Variants in DEAF1 observed in about 807,000 individuals in gnomAD.
DEAF1 encodes the protein DEAF1 transcription factor.
DEAF1 carries 53 observed loss-of-function variants against 58.9 expected under a neutral mutation model. The observed-to-expected ratio is 0.90, with a 90% CI of 0.72 to 1.13. The LOEUF is 1.13. Ranked by LOEUF, DEAF1 falls within the 50% of genes most tolerant of loss-of-function variation. The pLI is 0.00. For missense variants in DEAF1, 685 were observed against 791.4 expected (o/e 0.87, Z 1.61); for synonymous variants, 385 against 340.4 (o/e 1.13, Z -1.44).
chr11:694,835 C>A lies in DEAF1; in HGVS notation c.213G>T (p.Ala71=). 6.8e-7 allele frequency: 1 copy of A among 1,467,272 alleles called. No homozygotes were observed. The highest frequency in any genetic ancestry group is 2.2e-5 in the Admixed American group (1 of 45,070). The allele number at this position is 1,467,272 out of a possible 1,614,324, so 90.9% of individuals were successfully genotyped here. ...PRVTAVAVMA[A]EPGHMDMGAE... is the part of the protein sequence containing the mutation. ...CGCCCATGTCCATGTGCCCGGGCTC[C>A]GCCGCCATCACCGCCACTGCCGTGA... is the stretch of plus-strand genomic sequence containing the variant. The change falls in exon 1 of 12, where the codon GCG becomes GCT. Residue 71 remains alanine (A), a synonymous_variant. Transcript: ENST00000382409.
rs147630756 is a variant in DEAF1, at chr11:653,967, G to A, written c.1588C>T (p.Arg530Cys). 1.4e-5 allele frequency: 22 copies of A among 1,613,900 alleles called. No homozygotes were observed. The highest frequency in any genetic ancestry group is 6.7e-5 in the Admixed American group (4 of 60,008). ...KVNYCSTFCQ[R>C]KDWKDHQHIC... is the part of the protein sequence containing the mutation. The stretch of plus-strand genomic sequence containing the variant: ...CTGGTGTAGGTGAGACCTACCTTGC[G>A]TTGGCAGAAGGTGGAGCAGTAGTTG... Residue 530 changes from arginine (R) to cysteine (C), a missense_variant, in exon 11 of 12, where the codon CGC becomes TGC. Around this residue, in one of 3 missense-constraint regions of DEAF1, gnomAD observed 343 missense variants for 379.8 expected, o/e 0.90. Coordinates refer to ENST00000382409, the MANE Select transcript of DEAF1 (RefSeq NM_021008.4).
chr11:677,257 T>C (rs963436646), intron 9 of DEAF1, among the ~76,000 whole-genome samples: 2 of 151,804 alleles, frequency 1.3e-5, no homozygotes, highest in Non-Finnish European at 1.5e-5. Flanking sequence ...TCCAAGCACT[T>C]TGGGAGGCCA....
intron 10 of DEAF1, among the ~76,000 whole-genome samples, chr11:657,136 G>C (rs537760223): frequency 2.2e-3 from 328 of 151,982 alleles, no homozygotes; most frequent in Non-Finnish European, 3.7e-3. Context: ...TGGCACCCAG[G>C]CCTCACTCTC....
intron 9 of DEAF1, 143 bp downstream of exon 9, chr11:678,551 C>T: frequency 8.3e-7 from 1 of 1,204,420 alleles, no homozygotes; most frequent in Non-Finnish European, 1.2e-6. Context: ...GGCAGTGGGC[C>T]ACACTTTACC....
At chr11:695,551 G>A (rs1861089343), upstream of DEAF1, 6 of 1,209,798 alleles carry the variant, frequency 5.0e-6, no homozygotes, top group East Asian at 1.9e-4. Flanking sequence ...CCCGCCGCCG[G>A]CGGAAGCCGA....
rs36167071 is a variant in DEAF1 at position 669,125 on chromosome 11, C to CT, written c.1503+5410dup. 7.7e-4 allele frequency among the ~76,000 whole-genome samples: 83 copies of CT among 107,812 alleles called. 1 individual carries two copies. Among genetic ancestry groups the CT allele is most frequent in the East Asian group, 3.0e-3 (11 of 3,718 alleles). The allele number at this position is 107,812 out of a possible 152,430, so 70.7% of individuals were successfully genotyped here. On this transcript the variant is annotated intron_variant, in intron 10 of 11. Coordinates refer to ENST00000382409, the MANE Select transcript of DEAF1 (RefSeq NM_021008.4). ...CAGGCGTAAGCCACTGCACCCGACC[C>CT]TTTTTTTTTTTTTTTTTTTTGTACA...
chr11:685,105 G>C, intron 5 of DEAF1, 142 bp from the exon 6 acceptor site: 2 of 500,926 alleles, frequency 4.0e-6, no homozygotes, highest in South Asian at 4.1e-5. Context: ...TTTTTTTTGA[G>C]ACAGAGTCTT....
upstream of DEAF1, among the ~76,000 whole-genome samples, chr11:697,300 G>C (rs1353630938): frequency 6.6e-6 from 1 of 152,170 alleles, no homozygotes; most frequent in Non-Finnish European, 1.5e-5. Flanking sequence ...AACACATCTT[G>C]TCCATTACAT....
At chr11:698,094 C>G (rs1861281121), upstream of DEAF1, 1 of 152,086 alleles carries the variant, frequency 6.6e-6, no homozygotes, top group Non-Finnish European at 1.5e-5. Flanking sequence ...GAGGTTTCCA[C>G]CCAATTCTAG....
chr11:666,129 A>G (rs1039520237), intron 10 of DEAF1: 3 of 152,364 alleles, frequency 2.0e-5, no homozygotes, highest in South Asian at 2.1e-4. Flanking sequence ...AGAAAACCAC[A>G]GCTTCGCAGA....
In DEAF1 at chr11:703,518, C is replaced by G. The variant is rs764038183; in HGVS notation, c.-438+3054G>C. 1.6e-4 allele frequency: 196 copies of G among 1,238,024 alleles called. 1 individual carries two copies. The highest frequency in any genetic ancestry group is 1.8e-4 in the Non-Finnish European group (181 of 992,082). The allele number at this position is 1,238,024 out of a possible 1,614,324, so 76.7% of individuals were successfully genotyped here. A position where few individuals can be genotyped will look rare whatever the true frequency, so the allele number is the denominator to read the frequency against. On this transcript the variant is annotated intron_variant, in intron 1 of 11. Coordinates refer to the DEAF1 transcript ENST00000683307. ...AGGACAGAGCCCTTCAGAACAGAGGCCTCATCTCACTGCATCCCCCATCAC... is the reference window on the plus strand; with the variant it reads ...AGGACAGAGCCCTTCAGAACAGAGGGCTCATCTCACTGCATCCCCCATCAC...
upstream of DEAF1, chr11:699,078 C>A: frequency 1.5e-6 from 1 of 687,826 alleles, no homozygotes; most frequent in Non-Finnish European, 2.5e-6. Context: ...GGCTCCATCC[C>A]CTACCTGCTC....
At chr11:669,573 T>C (rs540467429) in intron 10 of DEAF1, among the ~76,000 whole-genome samples, 204 of 145,566 alleles carry the variant, frequency 1.4e-3, no homozygotes, top group South Asian at 6.9e-3. Flanking sequence ...GAGGTGGAGG[T>C]TATGGCGAGC....
chr11:660,659 C>T (rs1242489080), intron 10 of DEAF1, among the ~76,000 whole-genome samples: 2 of 152,236 alleles, frequency 1.3e-5, no homozygotes, highest in South Asian at 2.1e-4. Flanking sequence ...CACTGGGCCA[C>T]GGCAGGACGT....
chr11:665,473 C>T lies in DEAF1; in HGVS notation c.1503+9063G>A, dbSNP rs796807150. On this transcript the variant is annotated intron_variant, in intron 10 of 11. Coordinates refer to ENST00000382409, the MANE Select transcript of DEAF1 (RefSeq NM_021008.4). The stretch of plus-strand genomic sequence containing the variant: ...CTAACTCCTGACATTTTCAGATGCA[C>T]GGGATGTTCACTGCAACAGCTGCTT... Among the ~76,000 whole-genome samples, 13 of 152,290 alleles carry T rather than the reference C, an allele frequency of 8.5e-5. 1 individual carries two copies. The South Asian group carries it at 1.5e-3, about 17-fold the overall frequency.
chr11:656,864 AC>A (rs1859082001), intron 10 of DEAF1, among the ~76,000 whole-genome samples: 1 of 150,548 alleles, frequency 6.6e-6, no homozygotes, highest in African/African-American at 2.4e-5. Context: ...CCTTTGCAAA[AC>A]TTTTTTTTTT....
chr11:644,804 C>T lies in DEAF1; in HGVS notation c.1594-150G>A. On this transcript the variant is annotated intron_variant, in intron 11 of 11. Transcript: ENST00000382409. This position sits in a 1 kb window ranked among gnomAD's most constrained non-coding sequence, Gnocchi z 4.3. Reference sequence around the variant, plus strand: ...CCTCCCCAGCCCCCGTGCGCCCAAACTCTGGTGGGCTCTGCTCCAATACAG... The same window carrying T: ...CCTCCCCAGCCCCCGTGCGCCCAAATTCTGGTGGGCTCTGCTCCAATACAG... 1 of 690,486 alleles carries T rather than the reference C, an allele frequency of 1.4e-6. No individual in the cohort carries two copies. Among genetic ancestry groups the T allele is most frequent in the Non-Finnish European group, 2.6e-6 (1 of 380,060 alleles). 42.8% of individuals were successfully genotyped at this position (690,486 alleles called of 1,614,324 possible).
intron 8 of DEAF1, among the ~76,000 whole-genome samples, chr11:679,246 C>T (rs1321901456): frequency 4.0e-5 from 6 of 150,520 alleles, no homozygotes; most frequent in African/African-American, 1.2e-4. Flanking sequence ...ACCCGGGAGG[C>T]GGAGCTTGCA....
chr11:673,732 C>T (rs1485405015), intron 10 of DEAF1, among the ~76,000 whole-genome samples: 1 of 152,108 alleles, frequency 6.6e-6, no homozygotes. Context: ...AGACAGGCGC[C>T]CTCCTCTCTC....
Sources: gnomAD v4.1 joint callset for allele counts (sites outside exome capture counted in the v4.1 genomes callset) on GRCh38, gnomAD v4.1.1 for gene constraint, gnomAD v4.1.1 regional missense constraint, Gnocchi (gnomAD v3.1) non-coding constraint, MANE v1.5 for transcripts, NCBI Gene and HGNC (gene_info 2026-07-23, HGNC 2026-07-21) for gene names.